Variants in ASB3 observed in about 807,000 individuals in gnomAD.
ASB3 encodes the protein ankyrin repeat and SOCS box containing 3, also known as ankyrin repeat and SOCS box protein 3.
A neutral mutation model predicts 54.5 loss-of-function variants in ASB3; 41 were observed. That is an observed-to-expected ratio of 0.75 (90% CI 0.59 to 0.98). The LOEUF (loss-of-function observed/expected upper bound fraction) is 0.98, where lower values mean the gene tolerates loss of function less well. ASB3 is among the 50% of genes least tolerant of loss of function. ASB3 has a pLI of 0.00. For missense variants in ASB3, 733 were observed against 620.0 expected, an observed-to-expected ratio of 1.18 and a Z score of -1.94; for synonymous variants, 266 against 221.2, an observed-to-expected ratio of 1.20 and a Z score of -1.80.
chr2:53,702,445 C>G (rs916512503), intron 7 of ASB3, among the ~76,000 whole-genome samples: 2 of 152,146 alleles, frequency 1.3e-5, no homozygotes, highest in African/African-American at 2.4e-5. Flanking sequence ...CATGGATAAC[C>G]TCTGGTTAAA....
rs763873530 is a variant in ASB3, at chr2:53,714,551, G to A, written c.813C>T (p.Asn271=). The part of the protein sequence containing the change: ...KILDLLIPLT[N]RACDTGLNKV... ...TGTTTAGCCCAGTGTCACAGGCCCG[G>A]TTAGTAAGTGGTATTAACAAGTCCA... is the stretch of plus-strand genomic sequence containing the variant. The change falls in exon 7 of 10, where the codon AAC becomes AAT. Residue 271 remains asparagine, a synonymous_variant. Coordinates refer to ENST00000263634, the MANE Select transcript of ASB3 (RefSeq NM_016115.5). 3 of 1,614,018 alleles carry A rather than the reference G, an allele frequency of 1.9e-6. No homozygotes were observed. Among genetic ancestry groups the A allele is most frequent in the African/African-American group, 2.7e-5 (2 of 74,908 alleles).
rs529718400 is a variant in ASB3 at position 53,753,123 on chromosome 2, T to C, written c.197-2182A>G. On this transcript the variant is annotated intron_variant, in intron 2 of 9. Transcript: ENST00000263634. ...TGCAGACTGTGACAAAAGAATCTAATTGAATTACAAATATATGTCATAACC... is the reference window on the plus strand; with the variant it reads ...TGCAGACTGTGACAAAAGAATCTAACTGAATTACAAATATATGTCATAACC... Among the ~76,000 whole-genome samples the C allele has an allele frequency of 2.0e-5, 3 of 151,926 alleles. No individual in the cohort carries two copies. The South Asian group carries it at 6.2e-4, about 32-fold the overall frequency.
intron 2 of ASB3, among the ~76,000 whole-genome samples, chr2:53,765,024 C>T (rs1397797702): frequency 1.3e-5 from 2 of 152,184 alleles, no homozygotes; most frequent in Non-Finnish European, 2.9e-5. Flanking sequence ...AACACATCCT[C>T]AATTTCAGTA....
chr2:53,773,680 C>T (rs1388206239), intron 1 of ASB3, among the ~76,000 whole-genome samples: 4 of 151,898 alleles, frequency 2.6e-5, no homozygotes, highest in South Asian at 4.2e-4. Context: ...CCACTCACCT[C>T]GGCCTCCCAA....
chr2:53,750,721 T>TA, intron 3 of ASB3, 62 bp downstream of exon 3: 1 of 1,412,256 alleles, frequency 7.1e-7, no homozygotes, highest in Non-Finnish European at 9.3e-7. Context: ...AAATTAAGCT[T>TA]AGTTTAACAA....
In ASB3 at chr2:53,716,667, A is replaced by G; in HGVS notation, c.681T>C (p.Cys227=). 1.2e-6 allele frequency: 2 copies of G among 1,614,170 alleles called. No homozygotes were observed. Among genetic ancestry groups the G allele is most frequent in the Non-Finnish European group, 8.5e-7 (1 of 1,180,010 alleles). ...CCCCACTGGAGAGCAAAAGCTCCAC[A>G]CATTTTGTGTGTCCCTCTTGAGCAG... ...FIAAQEGHTK[C]VELLLSSGAD... The change falls in exon 6 of 10, where the codon TGT becomes TGC. Residue 227 remains cysteine (C), a synonymous_variant. Transcript: ENST00000263634.
chr2:53,744,515 T>C (rs1164314899), intron 3 of ASB3, among the ~76,000 whole-genome samples: 1 of 152,040 alleles, frequency 6.6e-6, no homozygotes, highest in South Asian at 2.1e-4. Context: ...TAAATGTAAC[T>C]TTTAGTAAAC....
chr2:53,754,468 G>T (rs891382243), intron 2 of ASB3, among the ~76,000 whole-genome samples: 2 of 152,182 alleles, frequency 1.3e-5, no homozygotes, highest in Non-Finnish European at 2.9e-5. Flanking sequence ...TCTCACACAG[G>T]TGAGAAATAC....
intron 1 of ASB3, among the ~76,000 whole-genome samples, chr2:53,783,286 A>G (rs2104229571): frequency 6.6e-6 from 1 of 152,354 alleles, no homozygotes; most frequent in African/African-American, 2.4e-5. Context: ...CTGAAAAAAG[A>G]AAGTGAAAAG....
chr2:53,745,895 T>A (rs754355554), intron 3 of ASB3, among the ~76,000 whole-genome samples: 4 of 152,256 alleles, frequency 2.6e-5, no homozygotes, highest in Non-Finnish European at 5.9e-5. Context: ...CTTCCTCATC[T>A]AGAAATTATT....
chr2:53,746,030 T>G (rs1047920701), intron 3 of ASB3, among the ~76,000 whole-genome samples: 1 of 152,224 alleles, frequency 6.6e-6, no homozygotes. Context: ...CCAAGTGCAG[T>G]GGCTCATGCC....
intron 9 of ASB3, among the ~76,000 whole-genome samples, chr2:53,671,334 G>C (rs1169519583): frequency 2.7e-5 from 4 of 148,838 alleles, no homozygotes; most frequent in African/African-American, 5.0e-5. Flanking sequence ...TTCAAACTCA[G>C]ATCTATCTGA....
At chr2:53,685,789 C>G (rs143716388) in intron 9 of ASB3, among the ~76,000 whole-genome samples, 37 of 152,346 alleles carry the variant, frequency 2.4e-4, no homozygotes, top group African/African-American at 8.4e-4. Flanking sequence ...ATCACACACT[C>G]TAGAGCAGAT....
intron 3 of ASB3, among the ~76,000 whole-genome samples, chr2:53,736,700 G>GA (rs60348593): frequency 0.054 from 7,005 of 130,698 alleles, 373 homozygotes; most frequent in East Asian, 0.29. Flanking sequence ...TTCCATCTCA[G>GA]AAAAAAAAAA....
intron 3 of ASB3, among the ~76,000 whole-genome samples, chr2:53,734,973 G>A (rs1671538227): frequency 7.0e-6 from 1 of 143,224 alleles, no homozygotes; most frequent in African/African-American, 2.6e-5. Flanking sequence ...AGGCTGGAGT[G>A]CAGTGGTGCG....
At chr2:53,755,044 T>C (rs1672737477) in intron 2 of ASB3, among the ~76,000 whole-genome samples, 1 of 152,248 alleles carries the variant, frequency 6.6e-6, no homozygotes, top group Admixed American at 6.5e-5. Context: ...TTTTTAATGC[T>C]TTAATCTCTC....
At chr2:53,743,582 A>C (rs1048049690) in intron 3 of ASB3, among the ~76,000 whole-genome samples, 2 of 152,232 alleles carry the variant, frequency 1.3e-5, no homozygotes, top group Admixed American at 6.5e-5. Context: ...AAAGAGAGTT[A>C]TGTAAGAACA....
chr2:53,769,453 TAC>T (rs1673737244), intron 1 of ASB3, among the ~76,000 whole-genome samples: 1 of 152,244 alleles, frequency 6.6e-6, no homozygotes, highest in South Asian at 2.1e-4. Flanking sequence ...GACGAAAATG[TAC>T]AGTGTGTTAC....
chr2:53,713,149 G>A (rs1670199497), intron 7 of ASB3, among the ~76,000 whole-genome samples: 1 of 152,142 alleles, frequency 6.6e-6, no homozygotes. Flanking sequence ...AGACCAGGCT[G>A]GTGAAACCCT....
Sources: allele counts gnomAD v4.1 joint callset (sites outside exome capture counted in the v4.1 genomes callset), GRCh38; gene constraint gnomAD v4.1.1; transcripts MANE v1.5; gene names NCBI Gene and HGNC (gene_info 2026-07-23, HGNC 2026-07-21).